The following SUGCT variants were observed in gnomAD, a reference collection of about 807,000 sequenced individuals.
SUGCT encodes succinyl-CoA:glutarate-CoA transferase, also known as succinyl-CoA:glutarate CoA-transferase.
In SUGCT, 41 loss-of-function variants were observed where a neutral mutation model predicts 55.0. The ratio of observed to expected loss-of-function variants is 0.74; its 90% CI spans 0.58 to 0.97. The LOEUF (loss-of-function observed/expected upper bound fraction) is 0.97, where lower values mean the gene tolerates loss of function less well. SUGCT is among the 50% of genes least tolerant of loss of function. The pLI, the probability that SUGCT is intolerant of heterozygous loss-of-function variation, is 0.00. For synonymous variants in SUGCT, 187 were observed against 200.4 expected (o/e 0.93, Z 0.56); for missense variants, 568 against 547.8 (o/e 1.04, Z -0.37).
intron 12 of SUGCT, among the ~76,000 whole-genome samples, chr7:40,578,555 T>C (rs937516343): frequency 2.0e-5 from 3 of 152,170 alleles, no homozygotes; most frequent in Non-Finnish European, 1.5e-5. Flanking sequence ...CCTGGAACAT[T>C]TTTCCTCTTC....
chr7:40,143,863 A>G (rs532316237), intron 1 of SUGCT, among the ~76,000 whole-genome samples: 1 of 152,332 alleles, frequency 6.6e-6, no homozygotes, highest in African/African-American at 2.4e-5. Flanking sequence ...GGCTTAAAGA[A>G]GGGAACTGGC....
At chr7:40,762,150 G>T (rs1197734917) in intron 13 of SUGCT, among the ~76,000 whole-genome samples, 1 of 152,224 alleles carries the variant, frequency 6.6e-6, no homozygotes, top group African/African-American at 2.4e-5. Flanking sequence ...AGCTCACACG[G>T]TGATGCTCTT....
At chr7:40,872,893 T>C in the SUGCT span, among the ~76,000 whole-genome samples, 1 of 152,210 alleles carries the variant, frequency 6.6e-6, no homozygotes, top group Non-Finnish European at 1.5e-5. Context: ...ACTCTTCAGA[T>C]GTCTGCTCTG....
intron 9 of SUGCT, among the ~76,000 whole-genome samples, chr7:40,379,463 A>G (rs1421424783): frequency 6.6e-6 from 1 of 152,220 alleles, no homozygotes; most frequent in African/African-American, 2.4e-5. Context: ...GTTGCTGAAT[A>G]TTAAACATTT....
At chr7:40,390,825 A>G (rs995315031) in intron 9 of SUGCT, among the ~76,000 whole-genome samples, 3 of 152,226 alleles carry the variant, frequency 2.0e-5, no homozygotes, top group African/African-American at 4.8e-5. Flanking sequence ...CACATTGCCA[A>G]GATAATCCTA....
intron 8 of SUGCT, among the ~76,000 whole-genome samples, chr7:40,308,601 T>C (rs951846178): frequency 8.5e-5 from 13 of 152,212 alleles, no homozygotes; most frequent in African/African-American, 2.9e-4. Context: ...CATCTTGTAC[T>C]ACTGTCTCTT....
rs915203669 is a variant in SUGCT, at chr7:40,791,186, TA to T, written c.1153+41696del. Among the ~76,000 whole-genome samples, 10 of 152,292 alleles carry T rather than the reference TA, an allele frequency of 6.6e-5. No homozygotes were observed. In the South Asian group the frequency reaches 1.9e-3, roughly 28 times the overall value. ...AGAATGTATCTTTTCCCTTTTCAAT[TA>T]AAAAAATTAAAGTTGTTATGATAAA... On this transcript the variant is annotated intron_variant, in intron 13 of 13. Transcript: ENST00000335693.
the SUGCT span, among the ~76,000 whole-genome samples, chr7:40,898,689 A>G: frequency 4.0e-5 from 6 of 150,912 alleles, no homozygotes; most frequent in African/African-American, 1.5e-4. Context: ...GCGCCGCGAG[A>G]CTCCGTCTAA....
chr7:40,641,450 A>G (rs1267221433), intron 12 of SUGCT, among the ~76,000 whole-genome samples: 1 of 152,170 alleles, frequency 6.6e-6, no homozygotes, highest in East Asian at 1.9e-4. Context: ...TAGTTTGGCT[A>G]AATAAATAAA....
chr7:40,378,106 T>A (rs1411873548), intron 9 of SUGCT, among the ~76,000 whole-genome samples: 1 of 68,742 alleles, frequency 1.5e-5, no homozygotes, highest in Non-Finnish European at 3.0e-5. Flanking sequence ...TTCTTTGATG[T>A]GTAGGATATT....
chr7:40,918,244 C>G, the SUGCT span, among the ~76,000 whole-genome samples: 1 of 151,978 alleles, frequency 6.6e-6, no homozygotes, highest in Non-Finnish European at 1.5e-5. Context: ...GGGCGGATCA[C>G]GAGGTCAGGA....
At chr7:40,161,904 T>A (rs1386650416) in intron 1 of SUGCT, among the ~76,000 whole-genome samples, 2 of 152,176 alleles carry the variant, frequency 1.3e-5, no homozygotes, top group African/African-American at 4.8e-5. Flanking sequence ...TGATTTTCTT[T>A]TTTATTTTTT....
intron 6 of SUGCT, among the ~76,000 whole-genome samples, chr7:40,221,350 G>A (rs1788009842): frequency 6.7e-6 from 1 of 150,226 alleles, no homozygotes; most frequent in South Asian, 2.1e-4. Context: ...GGAGGAGGAG[G>A]CTTCAGTGAG....
At chr7:40,551,645 C>T (rs2151641223) in intron 12 of SUGCT, among the ~76,000 whole-genome samples, 1 of 152,278 alleles carries the variant, frequency 6.6e-6, no homozygotes, top group East Asian at 1.9e-4. Flanking sequence ...GGATGGAAGG[C>T]AGTAGAAGGC....
At chr7:40,358,671 G>A (rs1407163729) in intron 9 of SUGCT, among the ~76,000 whole-genome samples, 3 of 151,980 alleles carry the variant, frequency 2.0e-5, no homozygotes, top group African/African-American at 7.3e-5. Flanking sequence ...CCGAAATTGT[G>A]CCACTGCACT....
At chr7:40,285,337 G>A (rs1258009673) in intron 8 of SUGCT, among the ~76,000 whole-genome samples, 1 of 152,066 alleles carries the variant, frequency 6.6e-6, no homozygotes, top group Non-Finnish European at 1.5e-5. Flanking sequence ...TGTGTTTAAT[G>A]ATATCGGAAT....
chr7:40,425,438 C>T (rs879448531), intron 9 of SUGCT, among the ~76,000 whole-genome samples: 5 of 152,104 alleles, frequency 3.3e-5, no homozygotes, highest in Admixed American at 6.6e-5. Flanking sequence ...AAAACTGCCA[C>T]CTGACCAATT....
chr7:40,279,066 G>A (rs1792761504), intron 8 of SUGCT, among the ~76,000 whole-genome samples: 1 of 151,164 alleles, frequency 6.6e-6, no homozygotes, highest in African/African-American at 2.4e-5. Flanking sequence ...TGAACTCTTG[G>A]CCTTAAGGGA....
At chr7:40,194,827 C>G in intron 5 of SUGCT, 113 bp from the exon 6 acceptor site, 1 of 1,239,626 alleles carries the variant, frequency 8.1e-7, no homozygotes, top group Non-Finnish European at 1.1e-6. Flanking sequence ...CTTCATCAGT[C>G]CTGTGATTTT....
Sources: allele counts gnomAD v4.1 joint callset (sites outside exome capture counted in the v4.1 genomes callset), GRCh38; gene constraint gnomAD v4.1.1; transcripts MANE v1.5; gene names NCBI Gene and HGNC (gene_info 2026-07-23, HGNC 2026-07-21).